PYROXD2: variants seen among roughly 807,000 people sequenced by gnomAD.
PYROXD2 encodes pyridine nucleotide-disulfide oxidoreductase domain-containing protein 2.
Under a neutral mutation model 71.1 loss-of-function variants are expected in PYROXD2, and 69 were observed. The ratio of observed to expected loss-of-function variants is 0.97; its 90% CI spans 0.80 to 1.19. PYROXD2 has a LOEUF of 1.19. Ranked by LOEUF, PYROXD2 falls within the 50% of genes most tolerant of loss-of-function variation. The probability of loss-of-function intolerance (pLI) is 0.00; values close to 1 mark genes in which losing one functional copy is unlikely to be tolerated. For missense variants in PYROXD2, 745 were observed against 748.9 expected, an observed-to-expected ratio of 0.99 and a Z score of 0.06; for synonymous variants, 287 against 302.7, an observed-to-expected ratio of 0.95 and a Z score of 0.54.
chr10:98,395,341 G>A, intron 7 of PYROXD2, 48 bp from the exon 8 acceptor site: 1 of 1,612,762 alleles, frequency 6.2e-7, no homozygotes. Context: ...CTGGATGGGA[G>A]GAGGGCCCTC....
chr10:98,399,804 C>T (rs1343958692), intron 5 of PYROXD2, among the ~76,000 whole-genome samples: 4 of 152,232 alleles, frequency 2.6e-5, no homozygotes, highest in East Asian at 1.9e-4. Flanking sequence ...AGTGTAAGAA[C>T]GTGCCAGTGC....
chr10:98,415,172 T>G lies in PYROXD2; in HGVS notation c.-37A>C. 1 of 1,602,990 alleles carries G rather than the reference T, an allele frequency of 6.2e-7. No homozygotes were observed. Among genetic ancestry groups the G allele is most frequent in the Middle Eastern group, 1.7e-4 (1 of 6,038 alleles). ...GCTGGGCCTTGCTAGGCAGGGAGTT[T>G]GCTAGCGATTGGCTTTTGTGCTGCC... On this transcript the variant is annotated 5_prime_UTR_variant, in exon 1 of 16. Transcript: ENST00000370575.
chr10:98,402,493 G>A (rs1227160669), intron 4 of PYROXD2, among the ~76,000 whole-genome samples: 2 of 152,188 alleles, frequency 1.3e-5, no homozygotes, highest in African/African-American at 4.8e-5. Flanking sequence ...CACTTTAAAT[G>A]GAAGTTTCTT....
chr10:98,410,123 A>T (rs1404575151), intron 2 of PYROXD2, among the ~76,000 whole-genome samples: 3 of 152,198 alleles, frequency 2.0e-5, no homozygotes, highest in Admixed American at 1.3e-4. Flanking sequence ...GTTTTAAATT[A>T]CTGATCCATT....
chr10:98,396,550 C>A (rs1005276854), intron 6 of PYROXD2, among the ~76,000 whole-genome samples: 2 of 152,172 alleles, frequency 1.3e-5, no homozygotes, highest in South Asian at 4.1e-4. Context: ...ACTTAATGAG[C>A]CTTCCATTCG....
At chr10:98,401,758 G>A (rs895828705) in intron 4 of PYROXD2, among the ~76,000 whole-genome samples, 4 of 152,078 alleles carry the variant, frequency 2.6e-5, no homozygotes, top group African/African-American at 9.7e-5. Context: ...GATCATCAAT[G>A]TCACTGACTT....
chr10:98,388,051 C>G (rs970126006), intron 13 of PYROXD2: 1 of 332,350 alleles, frequency 3.0e-6, no homozygotes, highest in Admixed American at 4.6e-5. Context: ...CTCTCTGGCT[C>G]ATGCGTCTCC....
chr10:98,389,729 T>C (rs1416566179), intron 12 of PYROXD2, among the ~76,000 whole-genome samples: 1 of 152,178 alleles, frequency 6.6e-6, no homozygotes, highest in African/African-American at 2.4e-5. Context: ...GAGAAGCCTT[T>C]CCTCCCCTTC....
intron 8 of PYROXD2, among the ~76,000 whole-genome samples, chr10:98,394,670 G>T (rs946145531): frequency 6.6e-6 from 1 of 151,890 alleles, no homozygotes; most frequent in African/African-American, 2.4e-5. Context: ...GGATTGGGCT[G>T]TCAGCACAAA....
chr10:98,396,096 C>G (rs1843165206), intron 6 of PYROXD2, among the ~76,000 whole-genome samples: 1 of 152,198 alleles, frequency 6.6e-6, no homozygotes, highest in African/African-American at 2.4e-5. Flanking sequence ...GTAATAGATT[C>G]CACTGGCTCC....
chr10:98,404,924 C>T (rs1843544507), intron 4 of PYROXD2, among the ~76,000 whole-genome samples: 1 of 152,108 alleles, frequency 6.6e-6, no homozygotes, highest in Non-Finnish European at 1.5e-5. Context: ...TAGAGCCCTA[C>T]CTTAGAGAGA....
chr10:98,388,777 C>T (rs944455197), intron 12 of PYROXD2, among the ~76,000 whole-genome samples: 1 of 151,980 alleles, frequency 6.6e-6, no homozygotes, highest in Non-Finnish European at 1.5e-5. Flanking sequence ...CTAACCACAG[C>T]TCCCAAACGC....
In PYROXD2 at chr10:98,393,136, G is replaced by A. The variant is rs1201447205; in HGVS notation, c.786-53C>T. ...CTGGAGGTGGGATCTCATCTCCCCAGAGTTCCAGGTGCAACTATTCCTTTC... is the reference window on the plus strand; with the variant it reads ...CTGGAGGTGGGATCTCATCTCCCCAAAGTTCCAGGTGCAACTATTCCTTTC... On this transcript the variant is annotated intron_variant, in intron 8 of 15. Coordinates refer to ENST00000370575, the MANE Select transcript of PYROXD2 (RefSeq NM_032709.3). The A allele has an allele frequency of 1.0e-5, 14 of 1,373,966 alleles. No homozygotes were observed. The South Asian group carries it at 1.7e-4, about 16-fold the overall frequency. 85.1% of individuals were successfully genotyped at this position (1,373,966 alleles called of 1,614,324 possible).
chr10:98,410,673 C>T, intron 2 of PYROXD2: 4 of 515,590 alleles, frequency 7.8e-6, no homozygotes, highest in Non-Finnish European at 1.0e-5. Flanking sequence ...TCTGGAAGCT[C>T]CCTGACTCCC....
At chr10:98,413,102 T>A (rs182550520) in intron 1 of PYROXD2, among the ~76,000 whole-genome samples, 181 of 152,380 alleles carry the variant, frequency 1.2e-3, no homozygotes, top group African/African-American at 4.1e-3. Flanking sequence ...CTGGCCTCTA[T>A]GTACATATCT....
rs1309348782 is a variant in PYROXD2 at position 98,397,820 on chromosome 10, T to G, written c.472-322A>C. On this transcript the variant is annotated intron_variant, in intron 5 of 15. Coordinates refer to ENST00000370575, the MANE Select transcript of PYROXD2 (RefSeq NM_032709.3). ...GAAAACTGGCAACAATCCTAGGGTG[T>G]GGTCTCTGCGATAAATCATGAAACC... Among the ~76,000 whole-genome samples the G allele has an allele frequency of 2.0e-5, 3 of 151,514 alleles. No homozygotes were observed. In the East Asian group the frequency reaches 5.8e-4, roughly 29 times the overall value.
chr10:98,408,060 G>A (rs566048915), intron 2 of PYROXD2, 63 bp from the exon 3 acceptor site: 13 of 1,496,734 alleles, frequency 8.7e-6, no homozygotes, highest in South Asian at 3.6e-5. Flanking sequence ...GGGCTCCCTC[G>A]GGCTGACCCG....
intron 14 of PYROXD2, among the ~76,000 whole-genome samples, chr10:98,385,625 C>T (rs542515082): frequency 6.4e-4 from 97 of 152,332 alleles, no homozygotes; most frequent in Non-Finnish European, 1.2e-3. Flanking sequence ...AGAAGCCTGA[C>T]GTCTGTTGGG....
At chr10:98,403,232 G>T (rs1434218105) in intron 4 of PYROXD2, among the ~76,000 whole-genome samples, 1 of 152,146 alleles carries the variant, frequency 6.6e-6, no homozygotes, top group Non-Finnish European at 1.5e-5. Context: ...TCTTAATGTA[G>T]TAAACTCACT....
Sources: allele counts gnomAD v4.1 joint callset (sites outside exome capture counted in the v4.1 genomes callset), GRCh38; gene constraint gnomAD v4.1.1; transcripts MANE v1.5; gene names NCBI Gene and HGNC (gene_info 2026-07-23, HGNC 2026-07-21).